Variants in ERBB4 observed in about 807,000 individuals in gnomAD.
The protein encoded by ERBB4 is erb-b2 receptor tyrosine kinase 4, also known as receptor tyrosine-protein kinase erbB-4.
In ERBB4, 42 loss-of-function variants were observed where a neutral mutation model predicts 158.0. The observed-to-expected ratio is 0.27, with a 90% CI of 0.21 to 0.34. ERBB4 has a LOEUF of 0.34. Among genes scored for constraint, ERBB4 ranks in the 10% least tolerant of loss-of-function variants. ERBB4 has a pLI of 1.00. For synonymous variants in ERBB4, 583 were observed against 558.7 expected (o/e 1.04, Z -0.61); for missense variants, 1,333 against 1,624.1 (o/e 0.82, Z 3.08).
chr2:212,218,433 G>C (rs1391465366), intron 1 of ERBB4, among the ~76,000 whole-genome samples: 1 of 151,236 alleles, frequency 6.6e-6, no homozygotes, highest in African/African-American at 2.4e-5. Flanking sequence ...TTGTGTGTTT[G>C]TTTGTTTGCA....
chr2:212,489,629 G>A (rs541075802), intron 1 of ERBB4, among the ~76,000 whole-genome samples: 5 of 151,712 alleles, frequency 3.3e-5, no homozygotes, highest in African/African-American at 1.2e-4. Flanking sequence ...TAACTCTAAC[G>A]TATGGTATAT....
chr2:211,832,876 C>CTA (rs969467130), intron 3 of ERBB4, among the ~76,000 whole-genome samples: 12 of 142,076 alleles, frequency 8.4e-5, no homozygotes, highest in African/African-American at 3.1e-4. Context: ...ATAAATAAGA[C>CTA]TATATATATA....
At chr2:212,183,125 T>C (rs2081922726) in intron 1 of ERBB4, among the ~76,000 whole-genome samples, 1 of 151,926 alleles carries the variant, frequency 6.6e-6, no homozygotes, top group African/African-American at 2.4e-5. Flanking sequence ...ACTTACCTTA[T>C]TTTAAAATAA....
chr2:212,487,921 A>G (rs570880772), intron 1 of ERBB4, among the ~76,000 whole-genome samples: 5 of 152,060 alleles, frequency 3.3e-5, no homozygotes, highest in Non-Finnish European at 7.4e-5. Context: ...CAAATTTTTC[A>G]TACTTTGTGT....
At chr2:212,421,161 A>T (rs1274240015) in intron 1 of ERBB4, among the ~76,000 whole-genome samples, 11 of 152,132 alleles carry the variant, frequency 7.2e-5, no homozygotes, top group Non-Finnish European at 1.6e-4. Flanking sequence ...TTCAGTGGAA[A>T]TTATGGGTCA....
chr2:211,903,702 T>A (rs1403023846), intron 3 of ERBB4, among the ~76,000 whole-genome samples: 2 of 151,978 alleles, frequency 1.3e-5, no homozygotes, highest in Non-Finnish European at 2.9e-5. Context: ...TGAATTTAAC[T>A]TGTTGCCTAA....
intron 1 of ERBB4, among the ~76,000 whole-genome samples, chr2:212,440,769 G>A (rs1449189062): frequency 2.0e-5 from 3 of 152,164 alleles, no homozygotes; most frequent in Non-Finnish European, 4.4e-5. Context: ...CACCACTCGT[G>A]AGAGGCAAAG....
At chr2:211,540,205 T>TATATAC (rs60602351) in intron 20 of ERBB4, among the ~76,000 whole-genome samples, 30 of 147,830 alleles carry the variant, frequency 2.0e-4, no homozygotes, top group African/African-American at 5.7e-4. Context: ...TATATATATA[T>TATATAC]ACACACACAC....
intron 2 of ERBB4, among the ~76,000 whole-genome samples, chr2:212,122,430 A>G (rs1388688354): frequency 1.3e-5 from 2 of 152,118 alleles, no homozygotes; most frequent in Non-Finnish European, 2.9e-5. Flanking sequence ...GTGCTATTAG[A>G]ATTATCTTTA....
chr2:212,278,236 C>T (rs912096798), intron 1 of ERBB4, among the ~76,000 whole-genome samples: 2 of 151,726 alleles, frequency 1.3e-5, no homozygotes, highest in Non-Finnish European at 2.9e-5. Context: ...TAGCTGCAAT[C>T]TGTAGAAATT....
At chr2:211,459,400 C>G (rs1180007836) in intron 20 of ERBB4, among the ~76,000 whole-genome samples, 1 of 152,116 alleles carries the variant, frequency 6.6e-6, no homozygotes, top group East Asian at 1.9e-4. Flanking sequence ...TGGATCAAAA[C>G]CAAAAGTGAA....
intron 18 of ERBB4, among the ~76,000 whole-genome samples, chr2:211,621,612 T>C (rs2069606186): frequency 6.6e-6 from 1 of 152,200 alleles, no homozygotes; most frequent in Non-Finnish European, 1.5e-5. Context: ...AGATAGTGTT[T>C]AGTCTTGAGT....
intron 1 of ERBB4, among the ~76,000 whole-genome samples, chr2:212,364,642 A>G (rs900024902): frequency 2.6e-5 from 4 of 151,744 alleles, no homozygotes; most frequent in Non-Finnish European, 5.9e-5. Flanking sequence ...AGGGCAAAAA[A>G]GTTTTGTGGC....
chr2:211,562,769 C>CT (rs367801279), intron 19 of ERBB4, among the ~76,000 whole-genome samples: 2,949 of 125,654 alleles, frequency 0.023, 297 homozygotes, highest in African/African-American at 0.082. Context: ...ACTACTCCAA[C>CT]TTTTTTTTTT....
At chr2:212,239,908 G>A (rs1035292469) in intron 1 of ERBB4, among the ~76,000 whole-genome samples, 8 of 152,220 alleles carry the variant, frequency 5.3e-5, no homozygotes, top group Non-Finnish European at 8.8e-5. Flanking sequence ...CGAAAATATT[G>A]TTATACATTA....
chr2:211,488,582 T>A (rs2065263521), intron 20 of ERBB4, among the ~76,000 whole-genome samples: 1 of 152,112 alleles, frequency 6.6e-6, no homozygotes, highest in South Asian at 2.1e-4. Flanking sequence ...CAGCCAATTT[T>A]ATTTTAAAAT....
intron 2 of ERBB4, among the ~76,000 whole-genome samples, chr2:212,064,996 T>G (rs927401171): frequency 2.1e-5 from 3 of 143,080 alleles, no homozygotes; most frequent in Non-Finnish European, 3.1e-5. Context: ...ATGGTGTGTG[T>G]GTGTGTGTGT....
chr2:212,292,562 C>A (rs2106184193), intron 1 of ERBB4, among the ~76,000 whole-genome samples: 1 of 151,904 alleles, frequency 6.6e-6, no homozygotes, highest in Middle Eastern at 3.4e-3. Context: ...GATCTAAAAT[C>A]AACCAATATC....
intron 16 of ERBB4, among the ~76,000 whole-genome samples, chr2:211,646,326 A>AG (rs1354559193): frequency 2.6e-5 from 4 of 151,552 alleles, no homozygotes; most frequent in Non-Finnish European, 4.4e-5. Context: ...AAACAGAAAG[A>AG]GGGAAAAAAG....
Sources: gnomAD v4.1 joint callset for allele counts (sites outside exome capture counted in the v4.1 genomes callset) on GRCh38, gnomAD v4.1.1 for gene constraint, MANE v1.5 for transcripts, NCBI Gene and HGNC (gene_info 2026-07-23, HGNC 2026-07-21) for gene names.